The following CAP2 variants were observed in gnomAD, a reference collection of about 807,000 sequenced individuals.
CAP2 encodes the protein adenylyl cyclase-associated protein 2.
A neutral mutation model predicts 57.7 loss-of-function variants in CAP2; 24 were observed. That is an observed-to-expected ratio of 0.42 (90% CI 0.30 to 0.58). The LOEUF is 0.58. Among genes scored for constraint, CAP2 ranks in the 20% least tolerant of loss-of-function variants. CAP2 has a pLI of 0.22. For missense variants in CAP2, 501 were observed against 590.3 expected (o/e 0.85, Z 1.57); for synonymous variants, 194 against 207.2 (o/e 0.94, Z 0.55).
At chr6:17,510,202 G>T (rs893065016) in intron 6 of CAP2, among the ~76,000 whole-genome samples, 3 of 152,048 alleles carry the variant, frequency 2.0e-5, no homozygotes, top group African/African-American at 7.2e-5. Context: ...CTTTTGGGGG[G>T]TGATGAATTA....
intron 4 of CAP2, among the ~76,000 whole-genome samples, chr6:17,505,723 A>C (rs1761963784): frequency 6.6e-6 from 1 of 152,220 alleles, no homozygotes; most frequent in Admixed American, 6.5e-5. Context: ...AGCACACACA[A>C]AAATCTGATA....
intron 4 of CAP2, among the ~76,000 whole-genome samples, chr6:17,502,882 A>T (rs1344286237): frequency 6.6e-6 from 1 of 152,228 alleles, no homozygotes; most frequent in Non-Finnish European, 1.5e-5. Flanking sequence ...ATCATTAAAA[A>T]TCAGCTGCCT....
At chr6:17,476,064 C>T (rs1463801346) in intron 4 of CAP2, among the ~76,000 whole-genome samples, 1 of 152,170 alleles carries the variant, frequency 6.6e-6, no homozygotes, top group African/African-American at 2.4e-5. Flanking sequence ...CCCATACGAG[C>T]AGGGTTGTAA....
intron 1 of CAP2, among the ~76,000 whole-genome samples, chr6:17,402,927 T>TGTCACA (rs1275470488): frequency 2.4e-4 from 36 of 152,172 alleles, no homozygotes; most frequent in African/African-American, 8.4e-4. Context: ...AAAATAAGTT[T>TGTCACA]TGATATTTCA....
At chr6:17,417,760 A>C (rs1179497091) in intron 1 of CAP2, among the ~76,000 whole-genome samples, 3 of 152,144 alleles carry the variant, frequency 2.0e-5, no homozygotes, top group Non-Finnish European at 4.4e-5. Flanking sequence ...TGTGTCATCT[A>C]ACCCAGTCTC....
chr6:17,524,290 C>A (rs1004936512), intron 7 of CAP2, among the ~76,000 whole-genome samples: 1 of 152,150 alleles, frequency 6.6e-6, no homozygotes, highest in Non-Finnish European at 1.5e-5. Context: ...CACACACAGT[C>A]ATTAAGAGCT....
chr6:17,553,442 G>C (rs1301763423), intron 12 of CAP2, among the ~76,000 whole-genome samples: 1 of 152,114 alleles, frequency 6.6e-6, no homozygotes, highest in East Asian at 1.9e-4. Flanking sequence ...GACCATCCTG[G>C]CTAACACAGT....
chr6:17,500,327 ATG>A lies in CAP2; in HGVS notation c.301-6834_301-6833del, dbSNP rs1471626658. 4.2e-5 allele frequency among the ~76,000 whole-genome samples: 5 copies of A among 118,570 alleles called. No homozygotes were observed. The Admixed American group carries it at 4.4e-4, about 10-fold the overall frequency. The allele number at this position is 118,570 out of a possible 152,430, so 77.8% of individuals were successfully genotyped here. ...ATTATTAGAATGTGTCCAAATATAT[ATG>A]TGTGTGTCCAAATATATATATATAT... On this transcript the variant is annotated intron_variant, in intron 4 of 12. Transcript: ENST00000229922.
chr6:17,418,668 CA>C (rs1759351431), intron 1 of CAP2, among the ~76,000 whole-genome samples: 1 of 145,952 alleles, frequency 6.9e-6, no homozygotes, highest in African/African-American at 2.8e-5. Context: ...ACAAAGCAAA[CA>C]TTTTTTTTTT....
chr6:17,401,859 C>T (rs1758827072), intron 1 of CAP2, among the ~76,000 whole-genome samples: 1 of 152,142 alleles, frequency 6.6e-6, no homozygotes, highest in South Asian at 2.1e-4. Context: ...CAGCCTCTCT[C>T]TTCCTTAGGA....
intron 3 of CAP2, among the ~76,000 whole-genome samples, chr6:17,441,513 C>CT (rs1385900902): frequency 6.6e-6 from 1 of 151,602 alleles, no homozygotes; most frequent in African/African-American, 2.4e-5. Context: ...GACAGGGTCT[C>CT]ACTCCTTTCG....
At chr6:17,458,107 T>G (rs754144358) in intron 3 of CAP2, among the ~76,000 whole-genome samples, 1 of 152,216 alleles carries the variant, frequency 6.6e-6, no homozygotes, top group African/African-American at 2.4e-5. Flanking sequence ...TCCTTCTGAA[T>G]CACTGAAATA....
chr6:17,548,750 A>G (rs1763108060), intron 11 of CAP2, among the ~76,000 whole-genome samples: 1 of 152,230 alleles, frequency 6.6e-6, no homozygotes, highest in African/African-American at 2.4e-5. Context: ...ATTGTTAGTG[A>G]TATACAAAAA....
At chr6:17,456,368 CAGTCTTGTTTTA>C (rs1760572337) in intron 3 of CAP2, among the ~76,000 whole-genome samples, 1 of 152,200 alleles carries the variant, frequency 6.6e-6, no homozygotes, top group Non-Finnish European at 1.5e-5. Flanking sequence ...CAAGCATCTT[CAGTCTTGTTTTA>C]AGCAAAATCA....
chr6:17,480,088 G>A (rs913798922), intron 4 of CAP2, among the ~76,000 whole-genome samples: 6 of 151,934 alleles, frequency 3.9e-5, no homozygotes, highest in African/African-American at 7.3e-5. Flanking sequence ...TCTTATCATC[G>A]TAACTGTTGC....
intron 4 of CAP2, among the ~76,000 whole-genome samples, chr6:17,471,847 G>A (rs928406212): frequency 6.7e-6 from 1 of 148,256 alleles, no homozygotes; most frequent in Non-Finnish European, 1.5e-5. Flanking sequence ...AAAAAAAAAG[G>A]TTTCATTCTT....
At chr6:17,455,521 T>C (rs1348311184) in intron 3 of CAP2, among the ~76,000 whole-genome samples, 1 of 151,780 alleles carries the variant, frequency 6.6e-6, no homozygotes, top group Non-Finnish European at 1.5e-5. Context: ...CTTTACCTCC[T>C]TTCATTCCTG....
intron 1 of CAP2, among the ~76,000 whole-genome samples, chr6:17,406,581 A>G (rs1357907632): frequency 1.3e-5 from 2 of 151,608 alleles, no homozygotes; most frequent in East Asian, 1.9e-4. Context: ...TTTAGTAGAG[A>G]CAAGGTTTCA....
chr6:17,536,619 T>G (rs1460834660), intron 7 of CAP2, among the ~76,000 whole-genome samples: 2 of 152,246 alleles, frequency 1.3e-5, no homozygotes, highest in African/African-American at 2.4e-5. Context: ...TTAATGGCTC[T>G]TGGAGAGAGA....
Sources: gnomAD v4.1 joint callset for allele counts (sites outside exome capture counted in the v4.1 genomes callset) on GRCh38, gnomAD v4.1.1 for gene constraint, MANE v1.5 for transcripts, NCBI Gene and HGNC (gene_info 2026-07-23, HGNC 2026-07-21) for gene names.